Variants in PCDHGA7 observed in about 807,000 individuals in gnomAD.
PCDHGA7 encodes the protein protocadherin gamma-A7.
PCDHGA7 carries 44 observed loss-of-function variants against 58.3 expected under a neutral mutation model. The observed-to-expected ratio is 0.75, with a 90% CI of 0.59 to 0.97. The LOEUF (loss-of-function observed/expected upper bound fraction) is 0.97, where lower values mean the gene tolerates loss of function less well. Ranked by LOEUF, PCDHGA7 falls within the 50% of genes least tolerant of loss-of-function variation. PCDHGA7 has a pLI of 0.00. For synonymous variants in PCDHGA7, 516 were observed against 504.2 expected (o/e 1.02, Z -0.31); for missense variants, 1,266 against 1,188.7 (o/e 1.06, Z -0.96).
intron 1 of PCDHGA7, among the ~76,000 whole-genome samples, chr5:141,456,363 G>A (rs1233146015): frequency 6.6e-6 from 1 of 152,098 alleles, no homozygotes; most frequent in African/African-American, 2.4e-5. Flanking sequence ...GTCCATGTGT[G>A]GTTCAGTTTA....
intron 1 of PCDHGA7, chr5:141,421,420 G>A: frequency 6.2e-7 from 1 of 1,614,084 alleles, no homozygotes; most frequent in Admixed American, 1.7e-5. Context: ...GAAGCGCGGA[G>A]TCCGCATCGT....
At chr5:141,389,146 C>G (rs567517174) in intron 1 of PCDHGA7, 2 of 1,613,996 alleles carry the variant, frequency 1.2e-6, no homozygotes, top group Non-Finnish European at 1.7e-6. Context: ...ATAACCGTTA[C>G]GGCAACAGAT....
chr5:141,434,073 A>G (rs1372471160), intron 1 of PCDHGA7, among the ~76,000 whole-genome samples: 2 of 152,058 alleles, frequency 1.3e-5, no homozygotes, highest in African/African-American at 4.8e-5. Flanking sequence ...GTTAATATCA[A>G]TTATTTATTT....
At chr5:141,421,224 T>G (rs1401875673) in intron 1 of PCDHGA7, 2 of 1,582,072 alleles carry the variant, frequency 1.3e-6, no homozygotes, top group Admixed American at 3.6e-5. Flanking sequence ...GCTTAGAGCC[T>G]GCCATGGCGA....
chr5:141,511,147 A>T lies in PCDHGA7; in HGVS notation c.2773A>T (p.Lys925Ter). The change falls in exon 4 of 4, where the codon AAG becomes TAG. Residue 925 changes from lysine to a stop codon, truncating the protein, a stop_gained. Coordinates refer to ENST00000518325, the MANE Select transcript of PCDHGA7 (RefSeq NM_018920.4). LOFTEE classifies it high-confidence loss of function. Reference sequence around the variant, plus strand: ...AGCAGGTGGCAATGGCAACAAGAAGAAGTCGGGCAAGAAGGAGAAGAAGTA... The same window carrying T: ...AGCAGGTGGCAATGGCAACAAGAAGTAGTCGGGCAAGAAGGAGAAGAAGTA... The part of the protein sequence containing the change: ...APAGGNGNKK[K>*]SGKKEKK 1 of 1,614,188 alleles carries T rather than the reference A, an allele frequency of 6.2e-7. No homozygotes were observed. Among genetic ancestry groups the T allele is most frequent in the East Asian group, 2.2e-5 (1 of 44,876 alleles).
rs749879106 is a variant in PCDHGA7, at chr5:141,383,396, C to T, written c.497C>T (p.Ser166Phe). The T allele has an allele frequency of 4.0e-5, 64 of 1,613,910 alleles. No homozygotes were observed. Among genetic ancestry groups the T allele is most frequent in the Non-Finnish European group, 5.3e-5 (62 of 1,179,908 alleles). Residue 166 changes from serine to phenylalanine, a missense_variant, in exon 1 of 4, where the codon TCC (serine) becomes TTC (phenylalanine). Physicochemically the swap from Ser to Phe is radical, Grantham distance 155 (BLOSUM62 -2). Coordinates refer to ENST00000518325, the MANE Select transcript of PCDHGA7 (RefSeq NM_018920.4). ...EAGDPDVGTN[S>F]LQSYQLSPNR... Reference sequence around the variant, plus strand: ...GGGGATCCAGATGTGGGCACGAACTCCCTCCAGAGTTACCAGCTCAGCCCC... The same window carrying T: ...GGGGATCCAGATGTGGGCACGAACTTCCTCCAGAGTTACCAGCTCAGCCCC...
At chr5:141,402,912 G>T (rs373067478) in intron 1 of PCDHGA7, 319 of 1,553,994 alleles carry the variant, frequency 2.1e-4, no homozygotes, top group East Asian at 2.5e-4. Flanking sequence ...GAAGCAGCGC[G>T]CACAGAGATC....
chr5:141,394,580 C>G, intron 1 of PCDHGA7: 1 of 1,613,914 alleles, frequency 6.2e-7, no homozygotes, highest in Non-Finnish European at 8.5e-7. Flanking sequence ...ACCTGGTGAC[C>G]AAGGTGGTGG....
chr5:141,478,668 T>G (rs1411369994), intron 1 of PCDHGA7: 40 of 1,551,660 alleles, frequency 2.6e-5, no homozygotes, highest in Non-Finnish European at 3.4e-5. Flanking sequence ...CATTCACACT[T>G]TCAACTGGCC....
intron 1 of PCDHGA7, among the ~76,000 whole-genome samples, chr5:141,437,490 A>C (rs549866784): frequency 6.6e-6 from 1 of 152,190 alleles, no homozygotes; most frequent in African/African-American, 2.4e-5. Flanking sequence ...AATCTCGTAG[A>C]TCACTTTTCA....
chr5:141,454,990 T>C (rs548911982), intron 1 of PCDHGA7, among the ~76,000 whole-genome samples: 1 of 151,490 alleles, frequency 6.6e-6, no homozygotes, highest in African/African-American at 2.4e-5. Context: ...TAAAAAATAT[T>C]TTTAGTAGAG....
Position 141,431,883 on chromosome 5 carries a change from A to T in PCDHGA7, c.2424+46560A>T, listed in dbSNP as rs748968989. 6.8e-6 allele frequency: 11 copies of T among 1,614,118 alleles called. No individual in the cohort carries two copies. The highest frequency in any genetic ancestry group is 1.1e-5 in the South Asian group (1 of 91,084). On this transcript the variant is annotated intron_variant, in intron 1 of 3. Transcript: ENST00000518325. The surrounding 1 kb of genome is among the most constrained non-coding windows in gnomAD (Gnocchi z 4.8). ...GCCCTTTTAAATGTAAATGACCAAG[A>T]TTCTGAGGAAAACGGACAGGTGATC...
chr5:141,468,809 T>A (rs1473677700), intron 1 of PCDHGA7, among the ~76,000 whole-genome samples: 1 of 151,850 alleles, frequency 6.6e-6, no homozygotes, highest in Admixed American at 6.6e-5. Flanking sequence ...GAACTTGCAG[T>A]GAGCCAAGAT....
rs1460175237 is a variant in PCDHGA7, at chr5:141,485,185, G to A, written c.2425-9622G>A. ...AGCGGGCGGCAGCAATGCTCCGCAAGGTGAGAAGCTGGACAGAAATCTGGC... is the reference window on the plus strand; with the variant it reads ...AGCGGGCGGCAGCAATGCTCCGCAAAGTGAGAAGCTGGACAGAAATCTGGC... On this transcript the variant is annotated intron_variant, in intron 1 of 3. Transcript: ENST00000518325. This position sits in a 1 kb window ranked among gnomAD's most constrained non-coding sequence, Gnocchi z 5.7. 3.1e-6 allele frequency: 5 copies of A among 1,613,528 alleles called. No individual in the cohort carries two copies. Among genetic ancestry groups the A allele is most frequent in the African/African-American group, 2.7e-5 (2 of 75,052 alleles).
chr5:141,419,981 A>G (rs2096455772), intron 1 of PCDHGA7: 2 of 1,613,934 alleles, frequency 1.2e-6, no homozygotes, highest in East Asian at 2.2e-5. Flanking sequence ...CCTCGCGGTG[A>G]TTCTAGCTAT....
chr5:141,430,924 G>A (rs1217400258), intron 1 of PCDHGA7: 1 of 1,607,462 alleles, frequency 6.2e-7, no homozygotes, highest in Admixed American at 1.7e-5. Context: ...TGGGGCTGGA[G>A]CCCCGGGAGC....
chr5:141,434,802 G>A (rs1009500775), intron 1 of PCDHGA7, among the ~76,000 whole-genome samples: 10 of 151,488 alleles, frequency 6.6e-5, no homozygotes, highest in African/African-American at 2.4e-4. Flanking sequence ...TTCTGAGCTT[G>A]GAGAAATATA....
In PCDHGA7 at chr5:141,431,940, T is replaced by G; in HGVS notation, c.2424+46617T>G. ...ATCCAAGGAAATCTGCCCTTTAAAT[T>G]AGAAAAATCTTACGGAAATTACTAT... On this transcript the variant is annotated intron_variant, in intron 1 of 3. Coordinates refer to ENST00000518325, the MANE Select transcript of PCDHGA7 (RefSeq NM_018920.4). The surrounding 1 kb of genome is among the most constrained non-coding windows in gnomAD (Gnocchi z 4.8). 2 of 1,614,132 alleles carry G rather than the reference T, an allele frequency of 1.2e-6. No homozygotes were observed. Among genetic ancestry groups the G allele is most frequent in the Non-Finnish European group, 1.7e-6 (2 of 1,179,998 alleles).
chr5:141,492,078 C>T (rs948391194), intron 1 of PCDHGA7: 4 of 483,290 alleles, frequency 8.3e-6, no homozygotes, highest in African/African-American at 2.0e-5. Flanking sequence ...GCGCCGGCTC[C>T]GGCACGCTTC....
Sources: allele counts gnomAD v4.1 joint callset (sites outside exome capture counted in the v4.1 genomes callset), GRCh38; gene constraint gnomAD v4.1.1; non-coding constraint Gnocchi (gnomAD v3.1); transcripts MANE v1.5; gene names NCBI Gene and HGNC (gene_info 2026-07-23, HGNC 2026-07-21).